The following CFAP43 variants were observed in gnomAD, a reference collection of about 807,000 sequenced individuals.
CFAP43 encodes the protein cilia and flagella associated protein 43, also known as cilia- and flagella-associated protein 43.
A neutral mutation model predicts 218.9 loss-of-function variants in CFAP43; 155 were observed. That is an observed-to-expected ratio of 0.71 (90% CI 0.62 to 0.81). The LOEUF (loss-of-function observed/expected upper bound fraction) is 0.81. Ranked by LOEUF, CFAP43 falls within the 30% of genes least tolerant of loss-of-function variation. CFAP43 has a pLI of 0.00. For missense variants in CFAP43, 1,778 were observed against 1,954.3 expected (o/e 0.91, Z 1.70); for synonymous variants, 645 against 681.3 (o/e 0.95, Z 0.83).
chr10:104,161,819 T>A, intron 26 of CFAP43, 142 bp downstream of exon 26: 4 of 701,796 alleles, frequency 5.7e-6, no homozygotes, highest in Non-Finnish European at 9.4e-6. Context: ...ATGTGGTAGG[T>A]TTATAAGGTA....
intron 7 of CFAP43, among the ~76,000 whole-genome samples, chr10:104,204,619 CT>C (rs1459782449): frequency 1.3e-5 from 2 of 152,048 alleles, no homozygotes; most frequent in African/African-American, 4.8e-5. Flanking sequence ...CAAGGGTGGT[CT>C]TGAAGAGGAC....
intron 20 of CFAP43, among the ~76,000 whole-genome samples, chr10:104,170,270 A>T (rs2089353628): frequency 6.6e-6 from 1 of 152,058 alleles, no homozygotes; most frequent in African/African-American, 2.4e-5. Context: ...CCTGCCTCAG[A>T]GGATCAAGGA....
At chr10:104,208,155 G>A (rs1424087380) in intron 5 of CFAP43, among the ~76,000 whole-genome samples, 1 of 152,176 alleles carries the variant, frequency 6.6e-6, no homozygotes, top group Non-Finnish European at 1.5e-5. Context: ...CTTCTGTGGT[G>A]TCTGATTGAG....
At chr10:104,158,554 A>G (rs2088700712) in intron 27 of CFAP43, among the ~76,000 whole-genome samples, 1 of 152,234 alleles carries the variant, frequency 6.6e-6, no homozygotes, top group Non-Finnish European at 1.5e-5. Context: ...GTCATGGAAC[A>G]CAAAGTTGTA....
intron 5 of CFAP43, among the ~76,000 whole-genome samples, chr10:104,208,707 C>T (rs2090768368): frequency 6.6e-6 from 1 of 152,096 alleles, no homozygotes; most frequent in Non-Finnish European, 1.5e-5. Flanking sequence ...CAATTTAATC[C>T]TGCTTTAGAA....
chr10:104,167,789 T>C (rs1447678903), intron 21 of CFAP43, 52 bp from the exon 22 acceptor site: 1 of 1,403,350 alleles, frequency 7.1e-7, no homozygotes, highest in Non-Finnish European at 9.9e-7. Context: ...TATAATTGTG[T>C]GTATCTGGGG....
Position 104,140,952 on chromosome 10 carries a change from G to T in CFAP43, c.4321C>A (p.Leu1441Ile). The part of the protein sequence containing the change: ...RFQLNLTIQI[L>I]LKQGQVELEN... ...AGTTCTACTTGTCCTTGTTTAAGAA[G>T]AATTTGGATTGTCAAATTCAACTGG... Residue 1441 changes from leucine to isoleucine, a missense_variant, in exon 34 of 38, where the codon CTT (leucine) becomes ATT (isoleucine). By Grantham distance (5) the Leu-to-Ile change is conservative. Transcript: ENST00000357060. The T allele has an allele frequency of 1.2e-6, 2 of 1,613,120 alleles. No homozygotes were observed. The highest frequency in any genetic ancestry group is 1.7e-6 in the Non-Finnish European group (2 of 1,179,698).
rs2091159931 is a variant in CFAP43, at chr10:104,220,949, C to CAT, written c.416+4511_416+4512insAT. On this transcript the variant is annotated intron_variant, in intron 3 of 37. Coordinates refer to ENST00000357060, the MANE Select transcript of CFAP43 (RefSeq NM_025145.7). Reference sequence around the variant, plus strand: ...CTTTTTCTAACTCTATATGAGTGAGCGTGTGTGTGTGTGTGTGTGTGTGTG... The same window carrying CAT: ...CTTTTTCTAACTCTATATGAGTGAGCATGTGTGTGTGTGTGTGTGTGTGTGTG... 2.1e-5 allele frequency among the ~76,000 whole-genome samples: 3 copies of CAT among 143,580 alleles called. No individual in the cohort carries two copies. In the South Asian group the frequency reaches 6.7e-4, roughly 32 times the overall value. The allele number at this position is 143,580 out of a possible 152,430, so 94.2% of individuals were successfully genotyped here.
At chr10:104,220,907 A>G (rs750930671) in intron 3 of CFAP43, among the ~76,000 whole-genome samples, 19 of 151,902 alleles carry the variant, frequency 1.3e-4, no homozygotes, top group Non-Finnish European at 2.1e-4. Context: ...TAACCTAGAA[A>G]TTTTATGTAA....
At chr10:104,211,723 T>A (rs1353422257) in intron 5 of CFAP43, among the ~76,000 whole-genome samples, 1 of 152,142 alleles carries the variant, frequency 6.6e-6, no homozygotes, top group Non-Finnish European at 1.5e-5. Flanking sequence ...CTGCCCAGCA[T>A]CTCCACCTAG....
At chr10:104,181,779 A>G (rs1334799396) in intron 17 of CFAP43, among the ~76,000 whole-genome samples, 2 of 152,196 alleles carry the variant, frequency 1.3e-5, no homozygotes, top group Non-Finnish European at 2.9e-5. Context: ...GTCTGCTTGG[A>G]GAGGCTATCC....
At chr10:104,209,451 G>A (rs1039461623) in intron 5 of CFAP43, among the ~76,000 whole-genome samples, 3 of 151,984 alleles carry the variant, frequency 2.0e-5, no homozygotes, top group Admixed American at 6.6e-5. Context: ...AACTGCAGGC[G>A]TACCCCTTAA....
At chr10:104,147,234 T>C (rs762040988) in intron 29 of CFAP43, among the ~76,000 whole-genome samples, 1 of 150,798 alleles carries the variant, frequency 6.6e-6, no homozygotes, top group Non-Finnish European at 1.5e-5. Flanking sequence ...GGTTGCTATA[T>C]GTAAAGTTGT....
In CFAP43 at chr10:104,161,982, C is replaced by T. The variant is rs758783010; in HGVS notation, c.3393G>A (p.Lys1131=). Residue 1131 remains lysine, a synonymous_variant, in exon 26 of 38, where the codon AAG becomes AAA. Coordinates refer to ENST00000357060, the MANE Select transcript of CFAP43 (RefSeq NM_025145.7). The part of the protein sequence containing the change: ...MDMMGGVLEV[K]KEDILRMVIP... ...TCACCATTCTCAAAATATCTTCCTT[C>T]TTGACTTCCAGAACTCCTCCCATCA... 3 of 1,613,716 alleles carry T rather than the reference C, an allele frequency of 1.9e-6. No homozygotes were observed. Among genetic ancestry groups the T allele is most frequent in the South Asian group, 2.2e-5 (2 of 90,960 alleles).
chr10:104,192,625 T>C (rs2090263756), intron 11 of CFAP43: 1 of 270,232 alleles, frequency 3.7e-6, no homozygotes, highest in Non-Finnish European at 6.9e-6. Context: ...AATAAGCAAT[T>C]CTCAAATTAG....
chr10:104,202,850 T>A (rs2090573574), intron 8 of CFAP43, among the ~76,000 whole-genome samples: 1 of 151,668 alleles, frequency 6.6e-6, no homozygotes, highest in Admixed American at 6.6e-5. Context: ...CTTCTGGTAA[T>A]TATCAGAAAC....
At chr10:104,204,794 G>A (rs956425301) in intron 7 of CFAP43, among the ~76,000 whole-genome samples, 19 of 152,294 alleles carry the variant, frequency 1.2e-4, no homozygotes, top group Admixed American at 1.3e-4. Context: ...TCAAGGTCCT[G>A]GAGATGTCAT....
Position 104,168,785 on chromosome 10 carries a change from C to G in CFAP43, c.2650G>C (p.Glu884Gln), listed in dbSNP as rs762996360. The G allele has an allele frequency of 6.2e-7, 1 of 1,614,140 alleles. No individual in the cohort carries two copies. Among genetic ancestry groups the G allele is most frequent in the South Asian group, 1.1e-5 (1 of 91,084 alleles). The change falls in exon 21 of 38, where the codon GAA becomes CAA. Residue 884 changes from glutamate (E) to glutamine (Q), a missense_variant. This residue lies in a region of CFAP43 where 1,553 missense variants were observed against 1,685.2 expected (regional missense o/e 0.92). Transcript: ENST00000357060. ...KSYLAELIKE[E>Q]CWNSMAVKGR... is the part of the protein sequence containing the mutation. ...TTCACAGCCATCGAATTCCAACATT[C>G]TTCTTTGATAAGTTCAGCCAAATAG...
Position 104,164,688 on chromosome 10 carries a change from G to A in CFAP43, c.3040-388C>T, listed in dbSNP as rs187846854. On this transcript the variant is annotated intron_variant, in intron 23 of 37. Transcript: ENST00000357060. Reference sequence around the variant, plus strand: ...GCTGGGATTACAGGCGTGAGCCACCGCGCCTGGCCCCACAAATTATCTTTT... The same window carrying A: ...GCTGGGATTACAGGCGTGAGCCACCACGCCTGGCCCCACAAATTATCTTTT... Among the ~76,000 whole-genome samples, 695 of 152,246 alleles carry A rather than the reference G, an allele frequency of 4.6e-3. 20 individuals carry two copies. Among genetic ancestry groups the A allele is most frequent in the East Asian group, 3.9e-3 (20 of 5,188 alleles).
Sources: allele counts gnomAD v4.1 joint callset (sites outside exome capture counted in the v4.1 genomes callset), GRCh38; gene constraint gnomAD v4.1.1; regional missense constraint gnomAD v4.1.1; transcripts MANE v1.5; gene names NCBI Gene and HGNC (gene_info 2026-07-23, HGNC 2026-07-21).